Variants in FHIT observed in about 807,000 individuals in gnomAD.
The protein encoded by FHIT is fragile histidine triad diadenosine triphosphatase, also known as bis(5'-adenosyl)-triphosphatase.
FHIT carries 19 observed loss-of-function variants against 17.9 expected under a neutral mutation model. That is an observed-to-expected ratio of 1.06 (90% CI 0.74 to 1.56). FHIT has a LOEUF of 1.56. Ranked by LOEUF, FHIT falls within the 40% of genes most tolerant of loss-of-function variation. The probability of loss-of-function intolerance (pLI) is 0.00; values close to 1 mark genes in which losing one functional copy is unlikely to be tolerated. For synonymous variants in FHIT, 81 were observed against 69.7 expected, an observed-to-expected ratio of 1.16 and a Z score of -0.81; for missense variants, 248 against 189.2, an observed-to-expected ratio of 1.31 and a Z score of -1.82.
Position 59,869,484 on chromosome 3 carries a change from C to CTTTTT in FHIT, c.348+52857_348+52861dup, listed in dbSNP as rs59589849. On this transcript the variant is annotated intron_variant, in intron 8 of 9. Coordinates refer to ENST00000492590, the MANE Select transcript of FHIT (RefSeq NM_002012.4). Reference sequence around the variant, plus strand: ...ATTCCATCTTTCCTTAAAGAACATCCTTTTTTTTTTTTTTTTAGACAGAGT... The same window carrying CTTTTT: ...ATTCCATCTTTCCTTAAAGAACATCCTTTTTTTTTTTTTTTTTTTTTAGACAGAGT... Among the ~76,000 whole-genome samples, 8 of 105,460 alleles carry CTTTTT rather than the reference C, an allele frequency of 7.6e-5. 1 individual carries two copies. The South Asian group carries it at 1.3e-3, about 17-fold the overall frequency. 69.2% of individuals were successfully genotyped at this position (105,460 alleles called of 152,430 possible). A position where few individuals can be genotyped will look rare whatever the true frequency, so the allele number is the denominator to read the frequency against.
chr3:60,472,417 G>A (rs1192390215), intron 5 of FHIT, among the ~76,000 whole-genome samples: 1 of 144,496 alleles, frequency 6.9e-6, no homozygotes, highest in African/African-American at 2.6e-5. Context: ...TGCCCAGGCT[G>A]GAGTGCAGTG....
At chr3:60,261,298 C>T (rs763049364) in intron 5 of FHIT, among the ~76,000 whole-genome samples, 13 of 151,886 alleles carry the variant, frequency 8.6e-5, no homozygotes, top group African/African-American at 3.1e-4. Flanking sequence ...AACATATCCA[C>T]GACAGGTGAG....
At chr3:60,993,220 A>G (rs569938301) in intron 3 of FHIT, among the ~76,000 whole-genome samples, 8 of 152,312 alleles carry the variant, frequency 5.3e-5, no homozygotes, top group African/African-American at 1.9e-4. Flanking sequence ...TAATAAAACA[A>G]TTCAGGACCA....
chr3:60,091,883 C>A (rs550501485), intron 5 of FHIT, among the ~76,000 whole-genome samples: 96 of 152,204 alleles, frequency 6.3e-4, no homozygotes, highest in African/African-American at 2.2e-3. Context: ...GCATACAGAA[C>A]TGTGAGCCAA....
At chr3:59,830,489 G>T (rs1050100378) in intron 8 of FHIT, among the ~76,000 whole-genome samples, 7 of 152,174 alleles carry the variant, frequency 4.6e-5, no homozygotes, top group Non-Finnish European at 1.0e-4. Flanking sequence ...TGTCAAAACT[G>T]TCTCCTGAAA....
intron 5 of FHIT, among the ~76,000 whole-genome samples, chr3:60,173,915 A>ATATATATATATATATT: frequency 9.0e-5 from 6 of 66,432 alleles, no homozygotes; most frequent in Non-Finnish European, 1.4e-4. Flanking sequence ...ATATATATAT[A>ATATATATATATATATT]TGTTTTTTTT....
At chr3:61,101,334 T>C (rs201862418) in intron 2 of FHIT, among the ~76,000 whole-genome samples, 1 of 152,240 alleles carries the variant, frequency 6.6e-6, no homozygotes, top group East Asian at 1.9e-4. Flanking sequence ...TCCCCATTTC[T>C]TGATTTTGTC....
At chr3:60,010,275 C>G (rs899219465) in intron 7 of FHIT, among the ~76,000 whole-genome samples, 1 of 152,216 alleles carries the variant, frequency 6.6e-6, no homozygotes, top group African/African-American at 2.4e-5. Context: ...CAGAGGAAAG[C>G]TGAAAGCCTC....
intron 8 of FHIT, among the ~76,000 whole-genome samples, chr3:59,783,647 A>T (rs2106891923): frequency 6.6e-6 from 1 of 152,180 alleles, no homozygotes; most frequent in South Asian, 2.1e-4. Flanking sequence ...TAGTTGAGAG[A>T]GGTGGTCCTG....
At chr3:60,283,180 A>AC (rs1707545457) in intron 5 of FHIT, among the ~76,000 whole-genome samples, 1 of 152,110 alleles carries the variant, frequency 6.6e-6, no homozygotes, top group South Asian at 2.1e-4. Flanking sequence ...AATTCCTTTC[A>AC]CTGGAAATCT....
chr3:60,666,069 T>C (rs1559624982), intron 4 of FHIT, among the ~76,000 whole-genome samples: 1 of 152,196 alleles, frequency 6.6e-6, no homozygotes. Context: ...CATTTTTCAA[T>C]AACATTGAAT....
chr3:60,613,372 C>T (rs2038844944), intron 4 of FHIT, among the ~76,000 whole-genome samples: 1 of 152,106 alleles, frequency 6.6e-6, no homozygotes, highest in Non-Finnish European at 1.5e-5. Context: ...GTAAGTGTGG[C>T]AGTGCAGTGA....
chr3:59,890,451 G>C (rs1047032588), intron 8 of FHIT, among the ~76,000 whole-genome samples: 1 of 152,170 alleles, frequency 6.6e-6, no homozygotes, highest in African/African-American at 2.4e-5. Flanking sequence ...GGGCTTCAAG[G>C]AAAGGCTGGG....
intron 3 of FHIT, among the ~76,000 whole-genome samples, chr3:61,022,055 T>C (rs1388370968): frequency 6.6e-6 from 1 of 151,960 alleles, no homozygotes; most frequent in Non-Finnish European, 1.5e-5. Flanking sequence ...ACGAATCCAG[T>C]AGCTGGGTTT....
intron 2 of FHIT, among the ~76,000 whole-genome samples, chr3:61,197,737 T>C (rs989821923): frequency 6.6e-6 from 1 of 152,196 alleles, no homozygotes; most frequent in African/African-American, 2.4e-5. Context: ...ATACCTGTTG[T>C]GTTTGGGGTT....
At chr3:59,973,108 T>C (rs10510822) in intron 7 of FHIT, among the ~76,000 whole-genome samples, 6,500 of 152,138 alleles carry the variant, frequency 0.043, 213 homozygotes, top group Admixed American at 0.1. Flanking sequence ...CTGCTTCCCA[T>C]GATGGCAATT....
At chr3:61,207,561 T>C (rs1253655137) in intron 1 of FHIT, among the ~76,000 whole-genome samples, 6 of 150,516 alleles carry the variant, frequency 4.0e-5, no homozygotes, top group Non-Finnish European at 8.9e-5. Flanking sequence ...GGTGTATGTG[T>C]CTGGGAATTT....
At chr3:60,576,014 G>A (rs1279987562) in intron 4 of FHIT, among the ~76,000 whole-genome samples, 1 of 152,084 alleles carries the variant, frequency 6.6e-6, no homozygotes, top group Non-Finnish European at 1.5e-5. Flanking sequence ...GAGGGAATGA[G>A]TATACTCACC....
intron 5 of FHIT, among the ~76,000 whole-genome samples, chr3:60,366,672 T>C (rs555720450): frequency 6.6e-6 from 1 of 152,266 alleles, no homozygotes; most frequent in African/African-American, 2.4e-5. Context: ...TGCCGTCCGC[T>C]CCCCTGCCAT....
Sources: allele counts gnomAD v4.1 joint callset (sites outside exome capture counted in the v4.1 genomes callset), GRCh38; gene constraint gnomAD v4.1.1; transcripts MANE v1.5; gene names NCBI Gene and HGNC (gene_info 2026-07-23, HGNC 2026-07-21).